Variants in KLF12 observed in about 807,000 individuals in gnomAD.
KLF12 encodes the protein Krueppel-like factor 12.
A neutral mutation model predicts 37.8 loss-of-function variants in KLF12; 9 were observed. The observed-to-expected ratio is 0.24, with a 90% CI of 0.14 to 0.42. KLF12 has a LOEUF of 0.42. Among genes scored for constraint, KLF12 ranks in the 10% least tolerant of loss-of-function variants. The pLI is 1.00. For synonymous variants in KLF12, 208 were observed against 202.1 expected (o/e 1.03, Z -0.25); for missense variants, 411 against 516.0 (o/e 0.80, Z 1.97).
At chr13:73,893,712 T>C (rs1221072521) in intron 3 of KLF12, among the ~76,000 whole-genome samples, 1 of 152,148 alleles carries the variant, frequency 6.6e-6, no homozygotes, top group Non-Finnish European at 1.5e-5. Flanking sequence ...GTGCCAGATA[T>C]TGTTCTATAC....
the KLF12 span, among the ~76,000 whole-genome samples, chr13:74,275,874 CTTTCTTCT>C: frequency 1.3e-3 from 107 of 84,514 alleles, no homozygotes; most frequent in African/African-American, 3.6e-3. Context: ...TTCTATCTTT[CTTTCTTCT>C]TTCTTTCTTT....
chr13:73,967,879 A>G (rs1891216653), intron 2 of KLF12, among the ~76,000 whole-genome samples: 3 of 152,170 alleles, frequency 2.0e-5, no homozygotes, highest in Admixed American at 6.5e-5. Context: ...CTGCATACTG[A>G]GATAACTTCA....
chr13:74,293,438 A>G, the KLF12 span, among the ~76,000 whole-genome samples: 1 of 152,228 alleles, frequency 6.6e-6, no homozygotes, highest in Non-Finnish European at 1.5e-5. Flanking sequence ...AATGCAGGAT[A>G]TAATAGTAAA....
intron 6 of KLF12, among the ~76,000 whole-genome samples, chr13:73,732,133 G>C (rs991227614): frequency 1.3e-5 from 2 of 149,324 alleles, no homozygotes; most frequent in Non-Finnish European, 1.5e-5. Flanking sequence ...GCCCAGGTTG[G>C]AGTGCAGTGG....
the KLF12 span, among the ~76,000 whole-genome samples, chr13:74,175,995 A>G: frequency 6.6e-6 from 1 of 152,138 alleles, no homozygotes; most frequent in Non-Finnish European, 1.5e-5. Flanking sequence ...TTCTCTTGCA[A>G]TATTTTATAT....
rs927271521 is a variant in KLF12 at position 73,883,987 on chromosome 13, T to A, written c.124-37614A>T. Among the ~76,000 whole-genome samples the A allele has an allele frequency of 2.6e-5, 4 of 152,170 alleles. No homozygotes were observed. The South Asian group carries it at 8.3e-4, about 31-fold the overall frequency. ...AGCTGATCAGCCTGCCTTTCTGAGG[T>A]ACCTTCTCCGAATTTAACGCAGTTG... is the stretch of plus-strand genomic sequence containing the variant. On this transcript the variant is annotated intron_variant, in intron 3 of 7. Coordinates refer to ENST00000377669, the MANE Select transcript of KLF12 (RefSeq NM_007249.5).
chr13:73,733,074 A>G (rs1200754093), intron 6 of KLF12, among the ~76,000 whole-genome samples: 2 of 152,202 alleles, frequency 1.3e-5, no homozygotes, highest in Non-Finnish European at 2.9e-5. Flanking sequence ...TACCTGCTAT[A>G]GGATCTAACT....
chr13:73,914,580 G>A (rs147886737), intron 3 of KLF12, among the ~76,000 whole-genome samples: 45 of 152,284 alleles, frequency 3.0e-4, no homozygotes, highest in African/African-American at 1.1e-3. Context: ...TTGCACGGGT[G>A]AAGCAAATTT....
chr13:74,182,853 G>A, the KLF12 span, among the ~76,000 whole-genome samples: 9 of 151,052 alleles, frequency 6.0e-5, no homozygotes, highest in Non-Finnish European at 1.3e-4. Flanking sequence ...TTTTTTTTAT[G>A]AAGCAATAGG....
chr13:74,043,073 C>G (rs1893451069), intron 1 of KLF12, among the ~76,000 whole-genome samples: 1 of 152,180 alleles, frequency 6.6e-6, no homozygotes, highest in African/African-American at 2.4e-5. Context: ...ACTGAAAAAT[C>G]TCTCCATGAG....
intron 1 of KLF12, among the ~76,000 whole-genome samples, chr13:74,119,961 A>T (rs1040560548): frequency 1.3e-5 from 2 of 152,122 alleles, no homozygotes; most frequent in African/African-American, 4.8e-5. Context: ...AGAAAAGAAA[A>T]AAAAGAAACA....
chr13:74,168,839 G>A, the KLF12 span, among the ~76,000 whole-genome samples: 1 of 152,206 alleles, frequency 6.6e-6, no homozygotes, highest in Non-Finnish European at 1.5e-5. Context: ...ATAATCGGAT[G>A]CCTTTGGGAA....
chr13:74,139,297 G>C, the KLF12 span, among the ~76,000 whole-genome samples: 3 of 152,138 alleles, frequency 2.0e-5, no homozygotes. Context: ...CTCAGAACAA[G>C]AGCTGTACTT....
At chr13:73,883,242 A>G (rs1456327832) in intron 3 of KLF12, among the ~76,000 whole-genome samples, 1 of 152,208 alleles carries the variant, frequency 6.6e-6, no homozygotes, top group African/African-American at 2.4e-5. Context: ...TTTAAAAACA[A>G]AAACAGTTAT....
chr13:73,889,763 G>A (rs1217117296), intron 3 of KLF12, among the ~76,000 whole-genome samples: 1 of 151,934 alleles, frequency 6.6e-6, no homozygotes, highest in African/African-American at 2.4e-5. Flanking sequence ...TAGAAAAGTT[G>A]AACAAGCACA....
chr13:73,803,068 GTTTT>G (rs927950856), intron 5 of KLF12, among the ~76,000 whole-genome samples: 1 of 152,134 alleles, frequency 6.6e-6, no homozygotes, highest in African/African-American at 2.4e-5. Context: ...GCTCTGCATG[GTTTT>G]TTGTTTGTTT....
intron 1 of KLF12, among the ~76,000 whole-genome samples, chr13:74,077,886 A>G (rs1235500624): frequency 2.6e-5 from 4 of 152,184 alleles, no homozygotes; most frequent in Admixed American, 2.6e-4. Flanking sequence ...CTCATCTATA[A>G]GAGGGAGATG....
chr13:73,941,327 C>T (rs570257339), intron 3 of KLF12, among the ~76,000 whole-genome samples: 1 of 152,260 alleles, frequency 6.6e-6, no homozygotes, highest in Non-Finnish European at 1.5e-5. Flanking sequence ...GAGGCTTATG[C>T]AGGAGGATCA....
intron 1 of KLF12, among the ~76,000 whole-genome samples, chr13:74,013,420 C>G (rs978760326): frequency 2.6e-5 from 4 of 152,204 alleles, no homozygotes; most frequent in African/African-American, 9.6e-5. Context: ...CACTGCTACT[C>G]CACTCCTGAC....
Sources: gnomAD v4.1 joint callset for allele counts (sites outside exome capture counted in the v4.1 genomes callset) on GRCh38, gnomAD v4.1.1 for gene constraint, MANE v1.5 for transcripts, NCBI Gene and HGNC (gene_info 2026-07-23, HGNC 2026-07-21) for gene names.